Variants in LRMDA observed in about 807,000 individuals in gnomAD.
The protein encoded by LRMDA is leucine rich melanocyte differentiation associated.
In LRMDA, 18 loss-of-function variants were observed where a neutral mutation model predicts 29.8. The ratio of observed to expected loss-of-function variants is 0.60; its 90% confidence interval spans 0.42 to 0.90. LRMDA has a LOEUF of 0.90. LRMDA is among the 40% of genes least tolerant of loss of function. The pLI, the probability that LRMDA is intolerant of heterozygous loss-of-function variation, is 0.00. For synonymous variants in LRMDA, 125 were observed against 109.4 expected, an observed-to-expected ratio of 1.14 and a Z score of -0.89; for missense variants, 273 against 273.9, an observed-to-expected ratio of 1.00 and a Z score of 0.02.
chr10:76,154,127 A>AC (rs1850496277), intron 5 of LRMDA, among the ~76,000 whole-genome samples: 1 of 151,992 alleles, frequency 6.6e-6, no homozygotes, highest in Non-Finnish European at 1.5e-5. Context: ...TGTGGATAGA[A>AC]CCCCTTTTCT....
chr10:76,109,754 A>C (rs77840297), intron 5 of LRMDA, among the ~76,000 whole-genome samples: 2,625 of 152,282 alleles, frequency 0.017, 87 homozygotes, highest in African/African-American at 0.06. Flanking sequence ...CTCTCAGTGC[A>C]TATCTTATTT....
chr10:75,866,804 T>C (rs577483482), intron 2 of LRMDA, among the ~76,000 whole-genome samples: 25 of 152,308 alleles, frequency 1.6e-4, no homozygotes, highest in Middle Eastern at 6.8e-3. Context: ...CACATGTCAA[T>C]AAATCTAGAT....
At chr10:76,350,169 C>CA (rs150371543) in intron 6 of LRMDA, among the ~76,000 whole-genome samples, 38,509 of 143,676 alleles carry the variant, frequency 0.27, 5,700 homozygotes, top group Non-Finnish European at 0.36. Flanking sequence ...AGGCAAAAAA[C>CA]AAAAAAAAAA....
chr10:75,828,844 AT>A (rs1214492295), intron 2 of LRMDA, among the ~76,000 whole-genome samples: 1 of 152,098 alleles, frequency 6.6e-6, no homozygotes, highest in Non-Finnish European at 1.5e-5. Context: ...ATCTCTTTTT[AT>A]TATAGGTCTT....
chr10:75,706,697 G>A (rs1426063589), intron 2 of LRMDA, among the ~76,000 whole-genome samples: 1 of 151,114 alleles, frequency 6.6e-6, no homozygotes, highest in East Asian at 1.9e-4. Flanking sequence ...TTTAAATCAC[G>A]AGACAATCCT....
chr10:75,905,775 C>T (rs1249748904), intron 2 of LRMDA, among the ~76,000 whole-genome samples: 1 of 152,096 alleles, frequency 6.6e-6, no homozygotes, highest in African/African-American at 2.4e-5. Flanking sequence ...CTTGGCCATG[C>T]ATAGACAATG....
intron 2 of LRMDA, among the ~76,000 whole-genome samples, chr10:75,582,293 T>G (rs1418540961): frequency 6.6e-6 from 1 of 152,236 alleles, no homozygotes; most frequent in Admixed American, 6.5e-5. Flanking sequence ...AGCAGGCTTC[T>G]GCCTGGACAT....
intron 2 of LRMDA, among the ~76,000 whole-genome samples, chr10:75,760,091 T>C (rs1230288608): frequency 1.3e-5 from 2 of 152,218 alleles, no homozygotes; most frequent in Non-Finnish European, 2.9e-5. Flanking sequence ...AAGACAATTA[T>C]GTGTATTTGC....
intron 5 of LRMDA, among the ~76,000 whole-genome samples, chr10:76,296,914 T>C (rs948422604): frequency 2.0e-5 from 3 of 152,226 alleles, no homozygotes; most frequent in African/African-American, 4.8e-5. Context: ...AGGAAGTTGA[T>C]AGAGTTGTCA....
intron 2 of LRMDA, among the ~76,000 whole-genome samples, chr10:75,943,490 C>G (rs1269422935): frequency 6.6e-6 from 1 of 152,166 alleles, no homozygotes. Flanking sequence ...AACTGCTGTA[C>G]TTTATTCTTA....
At chr10:76,373,801 CT>C (rs1344733899) in intron 6 of LRMDA, among the ~76,000 whole-genome samples, 2 of 152,110 alleles carry the variant, frequency 1.3e-5, no homozygotes, top group African/African-American at 4.8e-5. Context: ...CTGTTTCAAA[CT>C]TTGCAAGTAT....
At chr10:76,024,964 G>A (rs896263728) in intron 2 of LRMDA, among the ~76,000 whole-genome samples, 2 of 152,170 alleles carry the variant, frequency 1.3e-5, no homozygotes, top group African/African-American at 2.4e-5. Context: ...CGAGGTGCAC[G>A]CATACCATGG....
rs79502946 is a variant in LRMDA, at chr10:75,756,650, G to A, written c.132-279358G>A. The stretch of plus-strand genomic sequence containing the variant: ...AATAGTGATGAGGATAGAATTATTG[G>A]GTGCTTTCCATGTGTCCATTTCTCC... On this transcript the variant is annotated intron_variant, in intron 2 of 6. Coordinates refer to ENST00000611255, the MANE Select transcript of LRMDA (RefSeq NM_001305581.2). 4.7e-4 allele frequency among the ~76,000 whole-genome samples: 71 copies of A among 152,196 alleles called. No homozygotes were observed. The East Asian group carries it at 0.012, about 26-fold the overall frequency.
At chr10:75,969,061 A>G (rs1011198925) in intron 2 of LRMDA, among the ~76,000 whole-genome samples, 3 of 152,206 alleles carry the variant, frequency 2.0e-5, no homozygotes, top group African/African-American at 7.2e-5. Flanking sequence ...TTCCTAAGCC[A>G]CACTGACAGC....
intron 2 of LRMDA, among the ~76,000 whole-genome samples, chr10:75,701,964 C>T (rs565274563): frequency 2.2e-4 from 33 of 152,314 alleles, no homozygotes; most frequent in African/African-American, 7.5e-4. Context: ...CCTAATGCTT[C>T]GGCCGCATGT....
At chr10:75,843,382 T>C (rs1197721459) in intron 2 of LRMDA, among the ~76,000 whole-genome samples, 1 of 152,204 alleles carries the variant, frequency 6.6e-6, no homozygotes, top group Non-Finnish European at 1.5e-5. Context: ...TTGAGTTCCA[T>C]CCTGAAGGAT....
intron 2 of LRMDA, among the ~76,000 whole-genome samples, chr10:75,532,810 T>C (rs1438492069): frequency 6.6e-6 from 1 of 152,130 alleles, no homozygotes; most frequent in African/African-American, 2.4e-5. Context: ...GGGGTGGGAC[T>C]CAGGAATCTG....
intron 2 of LRMDA, among the ~76,000 whole-genome samples, chr10:75,647,197 G>A (rs543374356): frequency 1.3e-5 from 2 of 152,258 alleles, no homozygotes; most frequent in Admixed American, 6.5e-5. Flanking sequence ...AGTGCATCCC[G>A]AGGCAGTGTG....
At chr10:75,466,066 C>G (rs1326373945) in intron 2 of LRMDA, among the ~76,000 whole-genome samples, 5 of 152,208 alleles carry the variant, frequency 3.3e-5, no homozygotes, top group Non-Finnish European at 2.9e-5. Context: ...TTGAATCGGA[C>G]TCAGATTAAA....
Sources: gnomAD v4.1 joint callset for allele counts (sites outside exome capture counted in the v4.1 genomes callset) on GRCh38, gnomAD v4.1.1 for gene constraint, MANE v1.5 for transcripts, NCBI Gene and HGNC (gene_info 2026-07-23, HGNC 2026-07-21) for gene names.